SHISA9: variants seen among roughly 807,000 people sequenced by gnomAD.
SHISA9 encodes the protein shisa family member 9, also known as protein shisa-9.
In SHISA9, 13 loss-of-function variants were observed where a neutral mutation model predicts 38.0. That is an observed-to-expected ratio of 0.34 (90% CI 0.22 to 0.54). The LOEUF (loss-of-function observed/expected upper bound fraction) is 0.54, where lower values mean the gene tolerates loss of function less well. Among genes scored for constraint, SHISA9 ranks in the 20% least tolerant of loss-of-function variants. The probability of loss-of-function intolerance (pLI) is 0.91; values close to 1 mark genes in which losing one functional copy is unlikely to be tolerated. For synonymous variants in SHISA9, 275 were observed against 242.0 expected (o/e 1.14, Z -1.27); for missense variants, 538 against 575.8 (o/e 0.93, Z 0.67).
the SHISA9 span, among the ~76,000 whole-genome samples, chr16:13,296,932 T>G: frequency 6.1e-3 from 913 of 149,872 alleles, 8 homozygotes; most frequent in African/African-American, 0.021. Context: ...GAGAATGCTT[T>G]CTCGTTGTAA....
At chr16:13,104,886 A>G (rs1452827652) in intron 2 of SHISA9, among the ~76,000 whole-genome samples, 1 of 152,172 alleles carries the variant, frequency 6.6e-6, no homozygotes, top group Non-Finnish European at 1.5e-5. Context: ...AAAAAGTATG[A>G]TTTTAGATTC....
chr16:13,339,715 A>G, the SHISA9 span, among the ~76,000 whole-genome samples: 1 of 152,184 alleles, frequency 6.6e-6, no homozygotes, highest in Non-Finnish European at 1.5e-5. Flanking sequence ...CTTTGAGGCC[A>G]ATCTGCTGAG....
chr16:13,023,194 G>T (rs531324531), intron 2 of SHISA9, among the ~76,000 whole-genome samples: 1 of 151,328 alleles, frequency 6.6e-6, no homozygotes, highest in South Asian at 2.1e-4. Flanking sequence ...AACAGGCCCT[G>T]GTGTGTGATG....
At chr16:13,216,159 C>G (rs948389949) in intron 4 of SHISA9, among the ~76,000 whole-genome samples, 2 of 148,254 alleles carry the variant, frequency 1.3e-5, no homozygotes, top group South Asian at 2.2e-4. Context: ...TGCACTCCAC[C>G]CTGGGCGGCA....
At chr16:13,098,239 C>T (rs1301991551) in intron 2 of SHISA9, among the ~76,000 whole-genome samples, 1 of 152,200 alleles carries the variant, frequency 6.6e-6, no homozygotes, top group Admixed American at 6.5e-5. Flanking sequence ...CTTCTTTGAA[C>T]TTTGGTTTCC....
intron 2 of SHISA9, among the ~76,000 whole-genome samples, chr16:13,103,356 T>G (rs1237539096): frequency 6.6e-6 from 1 of 152,242 alleles, no homozygotes; most frequent in Non-Finnish European, 1.5e-5. Context: ...TATAGAGTTT[T>G]AGTTATACAT....
At chr16:13,455,013 C>CT in the SHISA9 span, among the ~76,000 whole-genome samples, 1,878 of 150,710 alleles carry the variant, frequency 0.012, 19 homozygotes, top group African/African-American at 0.02. Context: ...CAGCTACCTT[C>CT]TTTTTTTTTT....
At chr16:13,303,927 A>G in the SHISA9 span, among the ~76,000 whole-genome samples, 1 of 152,182 alleles carries the variant, frequency 6.6e-6, no homozygotes, top group Non-Finnish European at 1.5e-5. Flanking sequence ...GACCACAAGA[A>G]TCATATCCCT....
the SHISA9 span, among the ~76,000 whole-genome samples, chr16:13,314,087 G>C: frequency 1.2e-4 from 19 of 152,154 alleles, no homozygotes; most frequent in Non-Finnish European, 7.3e-5. Flanking sequence ...CTACTGCAAA[G>C]GGAAGGTTGA....
the SHISA9 span, among the ~76,000 whole-genome samples, chr16:13,290,951 C>G: frequency 6.6e-6 from 1 of 152,132 alleles, no homozygotes; most frequent in Admixed American, 6.6e-5. Context: ...CCCATTGTAT[C>G]ATAGAGTTCT....
At chr16:12,970,414 T>G (rs1441538746) in intron 2 of SHISA9, among the ~76,000 whole-genome samples, 1 of 33,768 alleles carries the variant, frequency 3.0e-5, no homozygotes, top group Non-Finnish European at 5.4e-5. Context: ...CATATATATA[T>G]ATACACATAT....
chr16:13,529,310 C>T, the SHISA9 span, among the ~76,000 whole-genome samples: 1 of 152,234 alleles, frequency 6.6e-6, no homozygotes, highest in Non-Finnish European at 1.5e-5. Context: ...TCAACCCTGG[C>T]ATAGCATGCC....
At chr16:13,154,111 G>T (rs1216889985) in intron 2 of SHISA9, among the ~76,000 whole-genome samples, 1 of 152,180 alleles carries the variant, frequency 6.6e-6, no homozygotes, top group African/African-American at 2.4e-5. Flanking sequence ...CCTATCATGT[G>T]CTGAGTTTCT....
intron 2 of SHISA9, among the ~76,000 whole-genome samples, chr16:13,191,510 G>A (rs185138498): frequency 1.1e-4 from 16 of 152,326 alleles, no homozygotes; most frequent in Admixed American, 2.6e-4. Flanking sequence ...TAAGCATGAT[G>A]ATCATAATGT....
chr16:12,999,590 A>G (rs1255387484), intron 2 of SHISA9, among the ~76,000 whole-genome samples: 1 of 152,224 alleles, frequency 6.6e-6, no homozygotes, highest in South Asian at 2.1e-4. Context: ...AAAAGAACAT[A>G]GTGATTAATG....
At chr16:13,027,048 A>G (rs928782411) in intron 2 of SHISA9, among the ~76,000 whole-genome samples, 1 of 152,084 alleles carries the variant, frequency 6.6e-6, no homozygotes, top group African/African-American at 2.4e-5. Context: ...TCCCTCCCCC[A>G]CTGCTGTATC....
intron 2 of SHISA9, among the ~76,000 whole-genome samples, chr16:13,133,505 C>A: frequency 6.6e-6 from 1 of 152,180 alleles, no homozygotes; most frequent in East Asian, 1.9e-4. Context: ...TGGCCATTGG[C>A]ATAGGCAGGG....
chr16:12,925,212 TGAA>T (rs2071378331), intron 2 of SHISA9, among the ~76,000 whole-genome samples: 1 of 151,814 alleles, frequency 6.6e-6, no homozygotes, highest in African/African-American at 2.4e-5. Context: ...AGATGAGAAA[TGAA>T]GAAACCGTCA....
chr16:13,292,478 G>A, the SHISA9 span, among the ~76,000 whole-genome samples: 1 of 152,052 alleles, frequency 6.6e-6, no homozygotes, highest in Non-Finnish European at 1.5e-5. Context: ...TCCAAATCTA[G>A]TGACAGATTT....
Sources: gnomAD v4.1 joint callset for allele counts (sites outside exome capture counted in the v4.1 genomes callset) on GRCh38, gnomAD v4.1.1 for gene constraint, MANE v1.5 for transcripts, NCBI Gene and HGNC (gene_info 2026-07-23, HGNC 2026-07-21) for gene names.